Variants in SCARB1 observed in about 807,000 individuals in gnomAD.
The protein encoded by SCARB1 is CD36 and LIMPII analogous 1.
In SCARB1, 30 loss-of-function variants were observed where a neutral mutation model predicts 57.2. That is an observed-to-expected ratio of 0.52 (90% confidence interval 0.39 to 0.71). The LOEUF (loss-of-function observed/expected upper bound fraction) is 0.71, where lower values mean the gene tolerates loss of function less well. SCARB1 is among the 30% of genes least tolerant of loss of function. The pLI is 0.00. For synonymous variants in SCARB1, 249 were observed against 268.3 expected (o/e 0.93, Z 0.70); for missense variants, 543 against 671.2 (o/e 0.81, Z 2.11).
chr12:124,783,160 T>C (rs1949379465), intron 11 of SCARB1: 2 of 283,114 alleles, frequency 7.1e-6, no homozygotes, highest in Admixed American at 4.8e-5. Context: ...GAGGAACAGA[T>C]TGTTCTGTTA....
At chr12:124,820,970 C>T (rs957071383) in intron 1 of SCARB1, among the ~76,000 whole-genome samples, 1 of 152,074 alleles carries the variant, frequency 6.6e-6, no homozygotes, top group African/African-American at 2.4e-5. Context: ...AGGCCCAGTG[C>T]GGTGGCTCAC....
rs1278199485 is a variant in SCARB1 at position 124,796,955 on chromosome 12, G to A, written c.1129-1687C>T. The stretch of plus-strand genomic sequence containing the variant: ...CCCTAACTGATGAGAGTAGTTCACT[G>A]GGCCGAAATTATTTGTACAAACAAT... On this transcript the variant is annotated intron_variant, in intron 8 of 12. Transcript: ENST00000261693. This position sits in a 1 kb window ranked among gnomAD's most constrained non-coding sequence, Gnocchi z 4.0. 6.6e-6 allele frequency among the ~76,000 whole-genome samples: 1 copy of A among 152,170 alleles called. No homozygotes were observed. The highest frequency in any genetic ancestry group is 1.5e-5 in the Non-Finnish European group (1 of 68,012).
At chr12:124,830,404 C>A (rs908707385) in intron 1 of SCARB1, among the ~76,000 whole-genome samples, 2 of 152,280 alleles carry the variant, frequency 1.3e-5, no homozygotes, top group Non-Finnish European at 2.9e-5. Context: ...AGCAGCCGTA[C>A]CCATAACAGC....
chr12:124,816,334 A>C (rs923034290), intron 2 of SCARB1, among the ~76,000 whole-genome samples: 1 of 152,246 alleles, frequency 6.6e-6, no homozygotes, highest in Admixed American at 6.5e-5. Flanking sequence ...GTGCTCAGTC[A>C]GTGCTCACAG....
rs1594192956 is a variant in SCARB1, at chr12:124,788,194, T to G, written c.1203-737A>C. ...ATGTGCTGCCAGAAGGAATCTCCCCTGGCAAAGAGCTTGACAACTTGAAAA... is the reference window on the plus strand; with the variant it reads ...ATGTGCTGCCAGAAGGAATCTCCCCGGGCAAAGAGCTTGACAACTTGAAAA... On this transcript the variant is annotated intron_variant, in intron 9 of 12. Transcript: ENST00000261693. Among the ~76,000 whole-genome samples the G allele has an allele frequency of 1.3e-5, 2 of 152,312 alleles. 1 individual carries two copies. Among genetic ancestry groups the G allele is most frequent in the South Asian group, 4.1e-4 (2 of 4,820 alleles).
chr12:124,786,011 T>C (rs1949497820), intron 11 of SCARB1: 1 of 1,456,846 alleles, frequency 6.9e-7, no homozygotes, highest in Non-Finnish European at 9.1e-7. Flanking sequence ...CCTCTACTGC[T>C]GTACGTCCCC....
At chr12:124,828,552 C>T (rs942582315) in intron 1 of SCARB1, among the ~76,000 whole-genome samples, 12 of 152,186 alleles carry the variant, frequency 7.9e-5, no homozygotes, top group Non-Finnish European at 1.6e-4. Flanking sequence ...GTTCAGGTAG[C>T]GAAACACTTC....
intron 1 of SCARB1, among the ~76,000 whole-genome samples, chr12:124,831,571 G>A (rs1951393990): frequency 6.6e-6 from 1 of 152,160 alleles, no homozygotes; most frequent in Non-Finnish European, 1.5e-5. Context: ...GAGCAGCGAG[G>A]CCAGCCAGGA....
Position 124,810,175 on chromosome 12 carries a change from G to C in SCARB1, c.841C>G (p.Arg281Gly), listed in dbSNP as rs771957199. The C allele has an allele frequency of 6.2e-7, 1 of 1,608,688 alleles. No homozygotes were observed. Among genetic ancestry groups the C allele is most frequent in the Non-Finnish European group, 8.5e-7 (1 of 1,175,224 alleles). Residue 281 changes from arginine to glycine, a missense_variant and splice_region_variant, in exon 6 of 13, where the codon CGA becomes GGA. Arg to Gly is a moderately radical substitution (Grantham distance 125). Coordinates refer to ENST00000261693, the MANE Select transcript of SCARB1 (RefSeq NM_005505.5). The surrounding 1 kb of genome is among the most constrained non-coding windows in gnomAD (Gnocchi z 4.0). ...GAGGCCCCGAGTCCCAGTGATTACC[G>C]GCAGGCCTCCGGGCTGTAGAACTCC... The part of the protein sequence containing the change: ...SLEFYSPEAC[R>G]SMKLMYKESG...
In SCARB1 at chr12:124,814,353, G is replaced by T; in HGVS notation, c.479C>A (p.Thr160Asn). ...TTCGCCGAGGGTGGTGAATGCCAAG[G>T]TCATGATGAGCTTCAGGGTCATGGG... ...NKPMTLKLIMTLAFTTLGERA... is the reference protein window; with the variant it reads ...NKPMTLKLIMNLAFTTLGERA... Residue 160 changes from threonine (T) to asparagine (N), a missense_variant, in exon 4 of 13, where the codon ACC (threonine) becomes AAC (asparagine). Physicochemically the swap from Thr to Asn is moderately conservative, Grantham distance 65. Coordinates refer to ENST00000261693, the MANE Select transcript of SCARB1 (RefSeq NM_005505.5). This position sits in a 1 kb window ranked among gnomAD's most constrained non-coding sequence, Gnocchi z 4.7. The T allele has an allele frequency of 1.2e-6, 2 of 1,614,116 alleles. No homozygotes were observed. The highest frequency in any genetic ancestry group is 1.7e-6 in the Non-Finnish European group (2 of 1,180,036).
chr12:124,810,268 G>C lies in SCARB1; in HGVS notation c.748C>G (p.Gln250Glu). 1 of 1,613,846 alleles carries C rather than the reference G, an allele frequency of 6.2e-7. No individual in the cohort carries two copies. The highest frequency in any genetic ancestry group is 8.5e-7 in the Non-Finnish European group (1 of 1,179,760). The change falls in exon 6 of 13, where the codon CAG becomes GAG. Residue 250 changes from glutamine to glutamate, a missense_variant. Physicochemically the swap from Gln to Glu is conservative, Grantham distance 29. Coordinates refer to ENST00000261693, the MANE Select transcript of SCARB1 (RefSeq NM_005505.5). The surrounding 1 kb of genome is among the most constrained non-coding windows in gnomAD (Gnocchi z 4.0). ...GAAGTTCCATTGATCATGTTGCACT[G>C]ATCGGAATGCCAGAAGTCAACCTGG... ...LSKVDFWHSD[Q>E]CNMINGTSGQ...
chr12:124,825,439 G>A (rs1468140817), intron 1 of SCARB1, among the ~76,000 whole-genome samples: 5 of 152,176 alleles, frequency 3.3e-5, no homozygotes, highest in African/African-American at 1.2e-4. Context: ...GGGAGGCCGA[G>A]GCGGGTGGAT....
chr12:124,781,541 A>G (rs1289947605), intron 12 of SCARB1, among the ~76,000 whole-genome samples: 1 of 152,166 alleles, frequency 6.6e-6, no homozygotes, highest in East Asian at 1.9e-4. Context: ...CCTCAGCCCT[A>G]CAGGAACCTG....
chr12:124,863,639 T>G lies in SCARB1; in HGVS notation c.82A>C (p.Met28Leu), dbSNP rs561526916. Residue 28 changes from methionine to leucine, a missense_variant, in exon 1 of 13, where the codon ATG (methionine) becomes CTG (leucine). Physicochemically the swap from Met to Leu is conservative, Grantham distance 15 (BLOSUM62 2). Transcript: ENST00000261693. ...ATGAGCGACGGCACCATCACGATCA[T>G]GACAGCGCCCAGCACAGCGCACAGT... ...GLLCAVLGAV[M>L]IVMVPSLIKQ... 1 of 1,598,688 alleles carries G rather than the reference T, an allele frequency of 6.3e-7. No individual in the cohort carries two copies. The highest frequency in any genetic ancestry group is 2.3e-5 in the East Asian group (1 of 43,860).
intron 9 of SCARB1, 125 bp downstream of exon 9, chr12:124,795,070 T>C (rs918897519): frequency 3.6e-6 from 3 of 834,662 alleles, no homozygotes; most frequent in African/African-American, 1.7e-5. Context: ...CCACCCCCAA[T>C]AGGACCCTCT....
At position 124,810,299 on chromosome 12, in the gene SCARB1, A is replaced by G; in HGVS notation, c.727-10T>C. The G allele has an allele frequency of 1.2e-6, 2 of 1,600,886 alleles. No homozygotes were observed. The highest frequency in any genetic ancestry group is 8.6e-7 in the Non-Finnish European group (1 of 1,167,982). On this transcript the variant is annotated splice_polypyrimidine_tract_variant and intron_variant, in intron 5 of 12. Transcript: ENST00000261693. This position sits in a 1 kb window ranked among gnomAD's most constrained non-coding sequence, Gnocchi z 4.0. ...AATGCCAGAAGTCAACCTGGGGGGAAGCATCCAGACTAGACCCCTCAGTAG... is the reference window on the plus strand; with the variant it reads ...AATGCCAGAAGTCAACCTGGGGGGAGGCATCCAGACTAGACCCCTCAGTAG...
chr12:124,781,273 C>T (rs930692498), intron 12 of SCARB1, among the ~76,000 whole-genome samples: 4 of 152,224 alleles, frequency 2.6e-5, no homozygotes, highest in African/African-American at 4.8e-5. Flanking sequence ...TTAGAGACAG[C>T]CAAGTGGCCC....
chr12:124,787,289 C>T (rs907889958), intron 10 of SCARB1, 117 bp downstream of exon 10: 10 of 887,462 alleles, frequency 1.1e-5, no homozygotes, highest in African/African-American at 9.9e-5. Flanking sequence ...TGTCACAGTC[C>T]GGTTACCCTG....
At position 124,778,364 on chromosome 12, in the gene SCARB1, C is replaced by T. The variant is rs972790110; in HGVS notation, c.*223G>A. The T allele has an allele frequency of 2.6e-6, 3 of 1,139,124 alleles. No individual in the cohort carries two copies. Among genetic ancestry groups the T allele is most frequent in the Admixed American group, 4.2e-5 (1 of 23,620 alleles). The allele number at this position is 1,139,124 out of a possible 1,614,324, so 70.6% of individuals were successfully genotyped here. A position where few individuals can be genotyped will look rare whatever the true frequency, so the allele number is the denominator to read the frequency against. On this transcript the variant is annotated 3_prime_UTR_variant, in exon 13 of 13. Transcript: ENST00000261693. ...AGCCTCTCCCTACAAGTCCCTTCAG[C>T]AGCAGCTCCATCCCTGAGTGTCTGC...
Sources: gnomAD v4.1 joint callset for allele counts (sites outside exome capture counted in the v4.1 genomes callset) on GRCh38, gnomAD v4.1.1 for gene constraint, Gnocchi (gnomAD v3.1) non-coding constraint, MANE v1.5 for transcripts, NCBI Gene and HGNC (gene_info 2026-07-23, HGNC 2026-07-21) for gene names.